ANXA5: variants seen among roughly 807,000 people sequenced by gnomAD.
ANXA5 encodes annexin A5.
Under a neutral mutation model 48.1 loss-of-function variants are expected in ANXA5, and 40 were observed. The observed-to-expected ratio is 0.83, with a 90% CI of 0.65 to 1.08. The LOEUF (loss-of-function observed/expected upper bound fraction) is 1.08, where lower values mean the gene tolerates loss of function less well. ANXA5 is among the 50% of genes least tolerant of loss of function. The pLI is 0.00. For missense variants in ANXA5, 357 were observed against 376.8 expected (o/e 0.95, Z 0.44); for synonymous variants, 113 against 129.1 (o/e 0.88, Z 0.85).
At chr4:121,687,232 G>A (rs1184601999) in intron 2 of ANXA5, among the ~76,000 whole-genome samples, 13 of 151,414 alleles carry the variant, frequency 8.6e-5, no homozygotes, top group Admixed American at 3.3e-4. Context: ...CCTGGGAGGC[G>A]GAGCTTGCAG....
At chr4:121,684,004 G>T (rs1724834900) in intron 4 of ANXA5, among the ~76,000 whole-genome samples, 1 of 151,304 alleles carries the variant, frequency 6.6e-6, no homozygotes. Context: ...AAAAAATTAT[G>T]TAATTGTGAA....
At chr4:121,688,724 T>C (rs1409108351) in intron 2 of ANXA5, among the ~76,000 whole-genome samples, 4 of 152,128 alleles carry the variant, frequency 2.6e-5, no homozygotes, top group Admixed American at 6.5e-5. Context: ...GGTATGATCA[T>C]GAGGCCAAAA....
intron 2 of ANXA5, among the ~76,000 whole-genome samples, chr4:121,692,034 G>C (rs1724995127): frequency 6.6e-6 from 1 of 152,134 alleles, no homozygotes; most frequent in Non-Finnish European, 1.5e-5. Context: ...CAGAAAAAGT[G>C]AATGATATAG....
At chr4:121,687,287 G>A (rs191309872) in intron 2 of ANXA5, among the ~76,000 whole-genome samples, 3,289 of 145,076 alleles carry the variant, frequency 0.023, 111 homozygotes, top group Non-Finnish European at 0.027. Context: ...GTGACAGAGC[G>A]AGACTCTGTC....
At chr4:121,670,959 C>T (rs1426499998) in intron 10 of ANXA5, among the ~76,000 whole-genome samples, 6 of 152,016 alleles carry the variant, frequency 3.9e-5, no homozygotes, top group Admixed American at 3.9e-4. Context: ...ACAAAAGGAC[C>T]ACAGGAGACT....
chr4:121,673,435 A>G (rs2110480203), intron 8 of ANXA5, among the ~76,000 whole-genome samples: 1 of 152,348 alleles, frequency 6.6e-6, no homozygotes, highest in Non-Finnish European at 1.5e-5. Flanking sequence ...TACATATTAA[A>G]GCAAGATGAA....
intron 2 of ANXA5, among the ~76,000 whole-genome samples, chr4:121,695,304 T>C (rs80091710): frequency 6.6e-6 from 1 of 152,232 alleles, no homozygotes; most frequent in African/African-American, 2.4e-5. Context: ...GGGATCACTG[T>C]GTAAGTTTCA....
At chr4:121,688,055 T>C (rs1724922885) in intron 2 of ANXA5, among the ~76,000 whole-genome samples, 1 of 152,132 alleles carries the variant, frequency 6.6e-6, no homozygotes, top group African/African-American at 2.4e-5. Flanking sequence ...GATGAAGTCA[T>C]GAAAGCAGGG....
chr4:121,677,945 G>C lies in ANXA5; in HGVS notation c.480C>G (p.Asn160Lys). 6.2e-7 allele frequency: 1 copy of C among 1,613,524 alleles called. No homozygotes were observed. The highest frequency in any genetic ancestry group is 8.5e-7 in the Non-Finnish European group (1 of 1,179,564). ...CATCAATTCCAGCATCAGGGTCTCT[G>C]TTAGCCTATGAGAGGTAATATGTCA... is the stretch of plus-strand genomic sequence containing the variant. ...QRMLVVLLQA[N>K]RDPDAGIDEA... Residue 160 changes from asparagine (N) to lysine (K), a missense_variant, in exon 8 of 13, where the codon AAC becomes AAG. Asn to Lys is a moderately conservative substitution (Grantham distance 94). Coordinates refer to ENST00000296511, the MANE Select transcript of ANXA5 (RefSeq NM_001154.4).
Position 121,686,343 on chromosome 4 carries a change from A to G in ANXA5, c.39T>C (p.Pro13=), listed in dbSNP as rs1308457083. 6.2e-7 allele frequency: 1 copy of G among 1,614,032 alleles called. No homozygotes were observed. The highest frequency in any genetic ancestry group is 8.5e-7 in the Non-Finnish European group (1 of 1,179,988). ...QVLRGTVTDF[P]GFDERADAET... ...CTGCATCAGCCCGCTCATCAAATCCAGGGAAGTCAGTCACAGTGCCTCTGA... is the reference window on the plus strand; with the variant it reads ...CTGCATCAGCCCGCTCATCAAATCCGGGGAAGTCAGTCACAGTGCCTCTGA... The change falls in exon 3 of 13, where the codon CCT becomes CCC. Residue 13 remains proline (P), a synonymous_variant. Transcript: ENST00000296511.
chr4:121,685,004 A>AC (rs1465349377), intron 3 of ANXA5, among the ~76,000 whole-genome samples: 3 of 147,594 alleles, frequency 2.0e-5, no homozygotes, highest in South Asian at 2.1e-4. Context: ...ACATAGTGAG[A>AC]CCCCCATCTC....
At chr4:121,670,757 T>C (rs1724599040) in intron 10 of ANXA5, among the ~76,000 whole-genome samples, 1 of 152,202 alleles carries the variant, frequency 6.6e-6, no homozygotes, top group South Asian at 2.1e-4. Flanking sequence ...CGTATTCTAA[T>C]TATGAAGGAC....
chr4:121,683,683 T>C (rs993582924), intron 4 of ANXA5, among the ~76,000 whole-genome samples: 8 of 152,122 alleles, frequency 5.3e-5, no homozygotes, highest in Admixed American at 1.3e-4. Context: ...AACCCACTTA[T>C]ACGTCAAGAT....
At chr4:121,685,379 G>C (rs1381063729) in intron 3 of ANXA5, among the ~76,000 whole-genome samples, 1 of 152,162 alleles carries the variant, frequency 6.6e-6, no homozygotes, top group Non-Finnish European at 1.5e-5. Flanking sequence ...GGGAATCTTG[G>C]AGAATGATTC....
At chr4:121,691,762 G>A (rs760177094) in intron 2 of ANXA5, among the ~76,000 whole-genome samples, 71 of 152,150 alleles carry the variant, frequency 4.7e-4, no homozygotes, top group Non-Finnish European at 1.8e-4. Flanking sequence ...CCTTATGTAC[G>A]TATTAGAGGC....
chr4:121,681,168 A>C (rs1724787405), intron 6 of ANXA5, among the ~76,000 whole-genome samples: 1 of 152,218 alleles, frequency 6.6e-6, no homozygotes, highest in Non-Finnish European at 1.5e-5. Flanking sequence ...ACACACTAAA[A>C]AGAAAAATCA....
At chr4:121,694,574 G>A (rs550583078) in intron 2 of ANXA5, among the ~76,000 whole-genome samples, 5 of 152,204 alleles carry the variant, frequency 3.3e-5, no homozygotes, top group South Asian at 2.1e-4. Context: ...TAGAAGAGAC[G>A]AGGTCTCACC....
At chr4:121,669,346 G>T in intron 12 of ANXA5, 1 of 387,498 alleles carries the variant, frequency 2.6e-6, no homozygotes, top group Non-Finnish European at 4.6e-6. Flanking sequence ...GGTTTGTTGA[G>T]TCATCTGTTA....
intron 5 of ANXA5, 72 bp downstream of exon 5, chr4:121,683,288 CAAAT>C: frequency 1.2e-6 from 1 of 860,702 alleles, no homozygotes; most frequent in Non-Finnish European, 1.7e-6. Context: ...TTAAATATAA[CAAAT>C]AAGAGGAAGT....
Sources: gnomAD v4.1 joint callset for allele counts (sites outside exome capture counted in the v4.1 genomes callset) on GRCh38, gnomAD v4.1.1 for gene constraint, MANE v1.5 for transcripts, NCBI Gene and HGNC (gene_info 2026-07-23, HGNC 2026-07-21) for gene names.